SLIT3: variants seen among roughly 807,000 people sequenced by gnomAD.
The protein encoded by SLIT3 is slit guidance ligand 3.
A neutral mutation model predicts 184.0 loss-of-function variants in SLIT3; 68 were observed. The observed-to-expected ratio is 0.37, with a 90% confidence interval of 0.30 to 0.45. The LOEUF (loss-of-function observed/expected upper bound fraction) is 0.45. Ranked by LOEUF, SLIT3 falls within the 20% of genes least tolerant of loss-of-function variation. The pLI is 1.00. For synonymous variants in SLIT3, 831 were observed against 828.6 expected, an observed-to-expected ratio of 1.00 and a Z score of -0.05; for missense variants, 1,707 against 2,026.0, an observed-to-expected ratio of 0.84 and a Z score of 3.02.
chr5:168,666,322 T>G lies in SLIT3; in HGVS notation c.*132A>C. The G allele has an allele frequency of 1.2e-6, 1 of 828,452 alleles. No individual in the cohort carries two copies. 51.3% of individuals were successfully genotyped at this position (828,452 alleles called of 1,614,324 possible). A position where few individuals can be genotyped will look rare whatever the true frequency, so the allele number is the denominator to read the frequency against. On this transcript the variant is annotated 3_prime_UTR_variant, in exon 36 of 36. Transcript: ENST00000519560. The stretch of plus-strand genomic sequence containing the variant: ...ATTTTTTGTTTATTTTACAATATAC[T>G]TAATATTCTCTTCTTCTTTACCTTC...
At chr5:168,683,825 G>T in intron 32 of SLIT3, 141 bp downstream of exon 32, 1 of 715,976 alleles carries the variant, frequency 1.4e-6, no homozygotes, top group Non-Finnish European at 2.1e-6. Flanking sequence ...AGGAGGAAGT[G>T]TGTGTGTGCG....
intron 5 of SLIT3, among the ~76,000 whole-genome samples, chr5:168,850,706 A>G (rs1758636966): frequency 6.6e-6 from 1 of 152,244 alleles, no homozygotes; most frequent in African/African-American, 2.4e-5. Flanking sequence ...CATTATGCAT[A>G]CTTTGCCACA....
chr5:168,934,867 C>T (rs368615039), intron 4 of SLIT3, among the ~76,000 whole-genome samples: 2 of 151,590 alleles, frequency 1.3e-5, no homozygotes, highest in African/African-American at 2.4e-5. Flanking sequence ...CGGTGGCTCA[C>T]GCCTGTAATT....
chr5:168,866,115 G>T (rs1001969766), intron 5 of SLIT3, among the ~76,000 whole-genome samples: 2 of 152,098 alleles, frequency 1.3e-5, no homozygotes, highest in African/African-American at 4.8e-5. Context: ...GATTAAACTG[G>T]CCCGGGACAG....
chr5:168,807,707 G>A (rs113898490), intron 8 of SLIT3, among the ~76,000 whole-genome samples: 1,812 of 152,186 alleles, frequency 0.012, 32 homozygotes, highest in African/African-American at 0.042. Context: ...GCTCTTAATT[G>A]TAGATTAAAC....
chr5:169,285,272 A>G (rs1020969808), intron 1 of SLIT3, among the ~76,000 whole-genome samples: 8 of 152,138 alleles, frequency 5.3e-5, no homozygotes, highest in African/African-American at 1.9e-4. Flanking sequence ...TGGTCTTTCC[A>G]CCAAATCTGC....
chr5:168,758,586 A>C (rs371500853), intron 16 of SLIT3, among the ~76,000 whole-genome samples: 2 of 152,150 alleles, frequency 1.3e-5, no homozygotes, highest in East Asian at 1.9e-4. Context: ...CATGATCCTC[A>C]CCCAAGTGTG....
chr5:168,707,060 G>C (rs749557377), intron 26 of SLIT3: 7 of 152,224 alleles, frequency 4.6e-5, no homozygotes, highest in Non-Finnish European at 7.3e-5. Context: ...TTCCAGTGAA[G>C]CCCAAGGAAG....
intron 4 of SLIT3, among the ~76,000 whole-genome samples, chr5:169,063,467 G>A (rs1351593689): frequency 6.6e-6 from 1 of 152,210 alleles, no homozygotes; most frequent in Non-Finnish European, 1.5e-5. Flanking sequence ...GGTAGGGACA[G>A]ATTTCCTGGA....
chr5:169,215,607 A>G (rs1192952399), intron 3 of SLIT3, among the ~76,000 whole-genome samples: 8 of 152,178 alleles, frequency 5.3e-5, no homozygotes, highest in Non-Finnish European at 7.3e-5. Flanking sequence ...ATAAAACTTT[A>G]TTTATAAAAG....
chr5:169,254,437 T>C (rs1009662860), intron 1 of SLIT3, among the ~76,000 whole-genome samples: 1 of 151,880 alleles, frequency 6.6e-6, no homozygotes, highest in East Asian at 1.9e-4. Context: ...CAGATGTGGA[T>C]GTGGGAAGTG....
At chr5:168,670,154 T>C (rs188154166) in intron 34 of SLIT3, among the ~76,000 whole-genome samples, 163 bp from the exon 35 acceptor site, 2 of 152,298 alleles carry the variant, frequency 1.3e-5, no homozygotes, top group Non-Finnish European at 2.9e-5. Context: ...ACCACCTTGG[T>C]TCCCCTGGCC....
chr5:168,840,582 C>A (rs1758207617), intron 6 of SLIT3, among the ~76,000 whole-genome samples: 2 of 152,038 alleles, frequency 1.3e-5, no homozygotes, highest in South Asian at 2.1e-4. Context: ...TGCATCCTGA[C>A]CACACAGAGC....
intron 23 of SLIT3, among the ~76,000 whole-genome samples, chr5:168,715,575 A>G (rs1250986701): frequency 6.6e-6 from 1 of 152,248 alleles, no homozygotes; most frequent in Non-Finnish European, 1.5e-5. Context: ...GTAAACTTTC[A>G]GCCCATCAGG....
At chr5:168,874,998 G>A (rs1759677128) in intron 5 of SLIT3, among the ~76,000 whole-genome samples, 1 of 151,954 alleles carries the variant, frequency 6.6e-6, no homozygotes, top group Non-Finnish European at 1.5e-5. Flanking sequence ...TCTGACAAGA[G>A]TAAGGGCTCA....
intron 14 of SLIT3, among the ~76,000 whole-genome samples, chr5:168,767,877 T>A (rs1304625874): frequency 6.6e-6 from 1 of 152,188 alleles, no homozygotes; most frequent in Non-Finnish European, 1.5e-5. Flanking sequence ...GTTTCTGAGC[T>A]TGAACCTAGT....
intron 32 of SLIT3, among the ~76,000 whole-genome samples, chr5:168,682,856 C>A (rs1761631516): frequency 6.6e-6 from 1 of 152,064 alleles, no homozygotes; most frequent in Non-Finnish European, 1.5e-5. Context: ...TTTGGCTCTC[C>A]TTCTACTGGT....
At chr5:168,678,897 G>A (rs1005191821) in intron 32 of SLIT3, among the ~76,000 whole-genome samples, 1 of 152,230 alleles carries the variant, frequency 6.6e-6, no homozygotes. Flanking sequence ...GGGAGAGAAG[G>A]GGGCTCTGAG....
chr5:168,737,703 G>C (rs932392471), intron 20 of SLIT3, among the ~76,000 whole-genome samples: 2 of 152,208 alleles, frequency 1.3e-5, no homozygotes, highest in Non-Finnish European at 2.9e-5. Flanking sequence ...GGGGAAAGCT[G>C]TTCACCAGCA....
Sources: allele counts gnomAD v4.1 joint callset (sites outside exome capture counted in the v4.1 genomes callset), GRCh38; gene constraint gnomAD v4.1.1; transcripts MANE v1.5; gene names NCBI Gene and HGNC (gene_info 2026-07-23, HGNC 2026-07-21).